KCND3: variants seen among roughly 807,000 people sequenced by gnomAD.
KCND3 encodes the protein potassium voltage-gated channel subfamily D member 3.
Under a neutral mutation model 51.1 loss-of-function variants are expected in KCND3, and 9 were observed. The ratio of observed to expected loss-of-function variants is 0.18; its 90% CI spans 0.11 to 0.31. The LOEUF is 0.31. KCND3 is among the 10% of genes least tolerant of loss of function. The pLI is 1.00. For synonymous variants in KCND3, 349 were observed against 368.0 expected, an observed-to-expected ratio of 0.95 and a Z score of 0.59; for missense variants, 526 against 903.8, an observed-to-expected ratio of 0.58 and a Z score of 5.36.
intron 2 of KCND3, among the ~76,000 whole-genome samples, chr1:111,850,078 C>T (rs540104925): frequency 4.2e-4 from 64 of 152,308 alleles, no homozygotes; most frequent in African/African-American, 1.5e-3. Flanking sequence ...TCTCACCGCG[C>T]TCCTTCCTGC....
intron 2 of KCND3, among the ~76,000 whole-genome samples, chr1:111,937,939 A>G (rs1409597244): frequency 6.6e-6 from 1 of 152,058 alleles, no homozygotes; most frequent in East Asian, 1.9e-4. Flanking sequence ...CCACTCTCCC[A>G]CTCAACCTTC....
At chr1:111,964,108 A>G (rs551582092) in intron 2 of KCND3, among the ~76,000 whole-genome samples, 2 of 152,328 alleles carry the variant, frequency 1.3e-5, no homozygotes, top group East Asian at 3.9e-4. Flanking sequence ...ACAGGCACTT[A>G]CATGCCATTA....
intron 1 of KCND3, among the ~76,000 whole-genome samples, chr1:111,987,421 G>T (rs545721530): frequency 6.6e-6 from 1 of 152,180 alleles, no homozygotes; most frequent in African/African-American, 2.4e-5. Context: ...CAAGCACCAG[G>T]CTGTCTCCAG....
At chr1:111,802,747 A>C (rs1258743311) in intron 2 of KCND3, among the ~76,000 whole-genome samples, 3 of 152,176 alleles carry the variant, frequency 2.0e-5, no homozygotes, top group Non-Finnish European at 4.4e-5. Flanking sequence ...TATGGCCTCT[A>C]ACCTCATGTT....
intron 2 of KCND3, among the ~76,000 whole-genome samples, chr1:111,850,361 A>C (rs2101662228): frequency 6.6e-6 from 1 of 152,244 alleles, no homozygotes; most frequent in East Asian, 1.9e-4. Context: ...GCTTGGGGAC[A>C]CAGCTCCTGA....
At chr1:111,825,679 T>C (rs1222984603) in intron 2 of KCND3, among the ~76,000 whole-genome samples, 2 of 152,204 alleles carry the variant, frequency 1.3e-5, no homozygotes, top group Admixed American at 6.5e-5. Flanking sequence ...GATACCATCA[T>C]TGTATTTTGT....
intron 2 of KCND3, among the ~76,000 whole-genome samples, chr1:111,818,040 G>GCGCA (rs1182662358): frequency 6.8e-6 from 1 of 147,962 alleles, no homozygotes; most frequent in African/African-American, 2.5e-5. Flanking sequence ...ACACGCGCGT[G>GCGCA]CACACACACA....
rs1311981932 is a variant in KCND3, at chr1:111,776,361, G to A, written c.1767-83C>T. ...CCTTGACCCCCTACATTTCTTGCTC[G>A]TGGTAACTAGGAGGATATTTTGTTG... On this transcript the variant is annotated intron_variant, in intron 7 of 7. Transcript: ENST00000302127. The A allele has an allele frequency of 1.6e-5, 20 of 1,266,108 alleles. No individual in the cohort carries two copies. In the East Asian group the frequency reaches 2.2e-4, roughly 14 times the overall value. The allele number at this position is 1,266,108 out of a possible 1,614,324, so 78.4% of individuals were successfully genotyped here.
intron 2 of KCND3, among the ~76,000 whole-genome samples, chr1:111,857,734 T>G (rs2101681868): frequency 6.6e-6 from 1 of 152,042 alleles, no homozygotes; most frequent in East Asian, 1.9e-4. Flanking sequence ...CCACAGGTGC[T>G]GCCTCTGGGA....
intron 2 of KCND3, among the ~76,000 whole-genome samples, chr1:111,789,259 G>C (rs987645998): frequency 6.6e-6 from 1 of 152,230 alleles, no homozygotes; most frequent in South Asian, 2.1e-4. Flanking sequence ...TGGGGCAGAT[G>C]GTCTGCTAGT....
At chr1:111,799,019 T>C (rs1254986799) in intron 2 of KCND3, among the ~76,000 whole-genome samples, 1 of 152,102 alleles carries the variant, frequency 6.6e-6, no homozygotes, top group Non-Finnish European at 1.5e-5. Context: ...GATTTGTCAC[T>C]GGGAGATGGA....
In KCND3 at chr1:111,833,701, T is replaced by C. The variant is rs559632618; in HGVS notation, c.1107-46595A>G. ...AAGGCCAGAAGTCTAAAACAGACTC[T>C]CTCAATATCACCTAATTAATCAATT... On this transcript the variant is annotated intron_variant, in intron 2 of 7. Transcript: ENST00000302127. 3.3e-4 allele frequency among the ~76,000 whole-genome samples: 51 copies of C among 152,334 alleles called. 1 individual carries two copies. In the South Asian group the frequency reaches 4.4e-3, roughly 13 times the overall value.
At chr1:111,948,910 A>G (rs1893737) in intron 2 of KCND3, among the ~76,000 whole-genome samples, 104,651 of 151,910 alleles carry the variant, frequency 0.69, 36,206 homozygotes, top group African/African-American at 0.73. Context: ...AGTCCAAACA[A>G]AGAAGAACAC....
intron 2 of KCND3, among the ~76,000 whole-genome samples, chr1:111,906,058 A>G (rs1670636673): frequency 6.6e-6 from 1 of 152,226 alleles, no homozygotes; most frequent in South Asian, 2.1e-4. Context: ...TCTACTTCTA[A>G]GCTCTGTGTC....
At chr1:111,838,948 T>TA (rs562158277) in intron 2 of KCND3, among the ~76,000 whole-genome samples, 36 of 149,560 alleles carry the variant, frequency 2.4e-4, no homozygotes, top group South Asian at 1.3e-3. Context: ...CCTTGGGTTC[T>TA]AAAAAAAAAA....
rs1272000200 is a variant in KCND3, at chr1:111,982,257, T to A, written c.470A>T (p.Gln157Leu). The change falls in exon 2 of 8, where the codon CAG (glutamine) becomes CTG (leucine). Residue 157 changes from glutamine to leucine, a missense_variant. By Grantham distance (113) the Gln-to-Leu change is moderately radical. Transcript: ENST00000302127. This position sits in a 1 kb window ranked among gnomAD's most constrained non-coding sequence, Gnocchi z 8.5. The part of the protein sequence containing the change: ...LMDDNDSENN[Q>L]ESMPSLSFRQ... ...GAAGCTGAGCGAGGGCATGGACTCC[T>A]GGTTGTTCTCCGAGTCGTTGTCGTC... The A allele has an allele frequency of 1.9e-6, 3 of 1,614,124 alleles. No homozygotes were observed.
chr1:111,933,364 C>T (rs1027288684), intron 2 of KCND3, among the ~76,000 whole-genome samples: 62 of 152,226 alleles, frequency 4.1e-4, no homozygotes, highest in African/African-American at 1.5e-3. Context: ...AGCACAGAAA[C>T]TGCTTAGCAC....
In KCND3 at chr1:111,776,230, G is replaced by A. The variant is rs1664103548; in HGVS notation, c.1815C>T (p.Cys605=). The change falls in exon 8 of 8, where the codon TGC becomes TGT. Residue 605 remains cysteine (C), a synonymous_variant. Transcript: ENST00000302127. The part of the protein sequence containing the change: ...LKADDGLRPN[C]KTSQITTAII... ...TGGCTGTGGTGATCTGGGATGTTTTGCAGTTTGGTCTCAGTCCGTCGTCTG... is the reference window on the plus strand; with the variant it reads ...TGGCTGTGGTGATCTGGGATGTTTTACAGTTTGGTCTCAGTCCGTCGTCTG... 2 of 1,614,070 alleles carry A rather than the reference G, an allele frequency of 1.2e-6. No homozygotes were observed. The highest frequency in any genetic ancestry group is 1.1e-5 in the South Asian group (1 of 91,088).
intron 2 of KCND3, among the ~76,000 whole-genome samples, chr1:111,962,476 C>A (rs1275976260): frequency 6.6e-6 from 1 of 152,186 alleles, no homozygotes; most frequent in African/African-American, 2.4e-5. Flanking sequence ...AGAAGAAAAT[C>A]CATTCTCTGT....
Sources: allele counts gnomAD v4.1 joint callset (sites outside exome capture counted in the v4.1 genomes callset), GRCh38; gene constraint gnomAD v4.1.1; non-coding constraint Gnocchi (gnomAD v3.1); transcripts MANE v1.5; gene names NCBI Gene and HGNC (gene_info 2026-07-23, HGNC 2026-07-21).